Variants in ZNF180 observed in about 807,000 individuals in gnomAD.
ZNF180 encodes the protein zinc finger protein 180 (HHZ168).
Under a neutral mutation model 11.8 loss-of-function variants are expected in ZNF180, and 11 were observed. The observed-to-expected ratio is 0.93, with a 90% CI of 0.59 to 1.55. The LOEUF is 1.55. ZNF180 is among the 40% of genes most tolerant of loss of function. ZNF180 has a pLI of 0.00. For missense variants in ZNF180, 773 were observed against 781.7 expected, an observed-to-expected ratio of 0.99 and a Z score of 0.13; for synonymous variants, 287 against 257.7, an observed-to-expected ratio of 1.11 and a Z score of -1.09.
At chr19:44,484,688 A>G in intron 2 of ZNF180, 1 of 531,372 alleles carries the variant, frequency 1.9e-6, no homozygotes, top group Non-Finnish European at 3.4e-6. Context: ...GGGCCAGCCC[A>G]TTGCAGCTAA....
At chr19:44,483,952 A>G (rs1380145289) in intron 3 of ZNF180, among the ~76,000 whole-genome samples, 1 of 151,646 alleles carries the variant, frequency 6.6e-6, no homozygotes, top group African/African-American at 2.4e-5. Flanking sequence ...ACTTCTTGAA[A>G]AAGTTGTCCA....
At chr19:44,485,527 C>A (rs1814652961) in intron 2 of ZNF180, among the ~76,000 whole-genome samples, 1 of 152,168 alleles carries the variant, frequency 6.6e-6, no homozygotes, top group African/African-American at 2.4e-5. Flanking sequence ...TGTACATAAC[C>A]AACATCCTGA....
rs1208727526 is a variant in ZNF180 at position 44,477,447 on chromosome 19, C to A, written c.953G>T (p.Arg318Ile). 6.2e-7 allele frequency: 1 copy of A among 1,614,126 alleles called. No homozygotes were observed. Among genetic ancestry groups the A allele is most frequent in the Non-Finnish European group, 8.5e-7 (1 of 1,179,990 alleles). Residue 318 changes from arginine to isoleucine, a missense_variant, in exon 5 of 5, where the codon AGA becomes ATA. Coordinates refer to ENST00000592529, the MANE Select transcript of ZNF180 (RefSeq NM_001278509.3). ...SHSSSLTQNM[R>I]NNSEEKPFEC... ...AAAAGGTTTCTCTTCAGAATTATTT[C>A]TCATGTTTTGAGTAAGGGAGGAACT...
At chr19:44,498,770 A>G (rs79967676) in intron 1 of ZNF180, among the ~76,000 whole-genome samples, 14,168 of 151,964 alleles carry the variant, frequency 0.093, 761 homozygotes, top group Middle Eastern at 0.21. Flanking sequence ...TGCCTCCCCA[A>G]TCTGCCCAAA....
chr19:44,480,400 T>G (rs1000936275), intron 3 of ZNF180, among the ~76,000 whole-genome samples: 1 of 152,212 alleles, frequency 6.6e-6, no homozygotes, highest in African/African-American at 2.4e-5. Flanking sequence ...CCACCACACC[T>G]GACCCAATTG....
chr19:44,500,256 G>A lies in ZNF180; in HGVS notation c.-44+19C>T, dbSNP rs370797973. On this transcript the variant is annotated intron_variant, in intron 1 of 4. Transcript: ENST00000592529. ...ATGCGCGCATCGGACACCAAGCGCT[G>A]CCCCACGCCCCTACCAACCTGGGCG... The A allele has an allele frequency of 6.6e-5, 107 of 1,613,480 alleles. No homozygotes were observed. In the African/African-American group the frequency reaches 1.3e-3, roughly 20 times the overall value.
In ZNF180 at chr19:44,493,082, G is replaced by A. The variant is rs139894207; in HGVS notation, c.51+4202C>T. On this transcript the variant is annotated intron_variant, in intron 2 of 4. Transcript: ENST00000592529. ...ACAAGAGGATCCCTTTAGTCCTCAC[G>A]CACAAGAAAATTCCCTCTCCTGCCC... Among the ~76,000 whole-genome samples, 13 of 152,274 alleles carry A rather than the reference G, an allele frequency of 8.5e-5. No individual in the cohort carries two copies. In the East Asian group the frequency reaches 2.5e-3, roughly 29 times the overall value.
In ZNF180 at chr19:44,500,460, T is replaced by G. The variant is rs565081084; in HGVS notation, c.-229A>C. 4 of 584,126 alleles carry G rather than the reference T, an allele frequency of 6.8e-6. No individual in the cohort carries two copies. Among genetic ancestry groups the G allele is most frequent in the Admixed American group, 6.2e-5 (2 of 32,260 alleles). 36.2% of individuals were successfully genotyped at this position (584,126 alleles called of 1,614,324 possible). On this transcript the variant is annotated 5_prime_UTR_variant, in exon 1 of 5. Transcript: ENST00000592529. ...ATCCGCAAGGCCGCTGGGGGTTAAG[T>G]CTGAAGGGCCGAGCTGCTCGGCGAC... is the stretch of plus-strand genomic sequence containing the variant.
At chr19:44,479,178 T>A (rs1174676031) in intron 4 of ZNF180, 105 bp downstream of exon 4, 5 of 1,396,440 alleles carry the variant, frequency 3.6e-6, no homozygotes, top group Non-Finnish European at 4.9e-6. Context: ...ACAATCTAGA[T>A]GCAGCCAAAA....
At chr19:44,492,694 T>A (rs1205806467) in intron 2 of ZNF180, among the ~76,000 whole-genome samples, 1 of 152,192 alleles carries the variant, frequency 6.6e-6, no homozygotes, top group Non-Finnish European at 1.5e-5. Context: ...CCTTTCCCAA[T>A]CTGAGGTATT....
At chr19:44,488,763 CA>C (rs1438438004) in intron 2 of ZNF180, among the ~76,000 whole-genome samples, 1 of 151,618 alleles carries the variant, frequency 6.6e-6, no homozygotes, top group Non-Finnish European at 1.5e-5. Flanking sequence ...CCTGGCTGCC[CA>C]GTCTGGAAAG....
At position 44,497,337 on chromosome 19, in the gene ZNF180, T is replaced by C. The variant is rs1332834408; in HGVS notation, c.-3A>G. ...GGCTTCTCATCCTGCTCTTCCATGC[T>C]CTCCTCCAGGCACAGCAGGGTGCTG... On this transcript the variant is annotated 5_prime_UTR_variant, in exon 2 of 5. Transcript: ENST00000592529. 1.3e-6 allele frequency: 2 copies of C among 1,597,112 alleles called. No homozygotes were observed. Among genetic ancestry groups the C allele is most frequent in the Non-Finnish European group, 1.7e-6 (2 of 1,174,442 alleles).
chr19:44,488,060 C>T, intron 2 of ZNF180, among the ~76,000 whole-genome samples: 1 of 123,386 alleles, frequency 8.1e-6, no homozygotes, highest in African/African-American at 3.0e-5. Context: ...CTCGCCCTCG[C>T]CCTTGCCCTC....
intron 3 of ZNF180, among the ~76,000 whole-genome samples, chr19:44,482,816 G>A (rs1353699008): frequency 6.6e-6 from 1 of 152,068 alleles, no homozygotes; most frequent in Non-Finnish European, 1.5e-5. Context: ...AACACTATTA[G>A]CAGTATTATT....
rs141183071 is a variant in ZNF180, at chr19:44,480,070, T to C, written c.127-661A>G. Among the ~76,000 whole-genome samples, 614 of 152,328 alleles carry C rather than the reference T, an allele frequency of 4.0e-3. 6 individuals carry two copies. The highest frequency in any genetic ancestry group is 0.014 in the African/African-American group (586 of 41,582). On this transcript the variant is annotated intron_variant, in intron 3 of 4. Coordinates refer to ENST00000592529, the MANE Select transcript of ZNF180 (RefSeq NM_001278509.3). Reference sequence around the variant, plus strand: ...TTGGCTTTCTCACCTATAAAGGGCATATATCTGCTTAAGAAATACATCTAA... The same window carrying C: ...TTGGCTTTCTCACCTATAAAGGGCACATATCTGCTTAAGAAATACATCTAA...
At chr19:44,491,939 T>C (rs2686768) in intron 2 of ZNF180, among the ~76,000 whole-genome samples, 51,935 of 152,040 alleles carry the variant, frequency 0.34, 10,339 homozygotes, top group South Asian at 0.52. Context: ...CAGAAATTAA[T>C]GGTAATAAGG....
At chr19:44,481,189 T>C (rs1315743012) in intron 3 of ZNF180, among the ~76,000 whole-genome samples, 1 of 152,204 alleles carries the variant, frequency 6.6e-6, no homozygotes, top group Non-Finnish European at 1.5e-5. Context: ...GGAAGTCGAA[T>C]GCCTCTTGCC....
Position 44,474,668 on chromosome 19 carries a change from T to G in ZNF180, c.*1734A>C, listed in dbSNP as rs1439839821. 1 of 152,202 alleles carries G rather than the reference T, an allele frequency of 6.6e-6. No individual in the cohort carries two copies. The highest frequency in any genetic ancestry group is 6.5e-5 in the Admixed American group (1 of 15,282). The allele number at this position is 152,202 out of a possible 1,614,324, so 9.4% of individuals were successfully genotyped here. On this transcript the variant is annotated 3_prime_UTR_variant, in exon 5 of 5. Transcript: ENST00000592529. ...AAATAGGACAGACAGACTTGGAACT[T>G]TGTTCAACTGTCTTAGGAAAAGACC...
Position 44,476,082 on chromosome 19 carries a change from T to C in ZNF180, c.*320A>G, listed in dbSNP as rs1969858264. ...GGAAAAAGAGGTCTAACACTGGCAGTTGGCTTTGGCATATGATTTTCTCTG... is the reference window on the plus strand; with the variant it reads ...GGAAAAAGAGGTCTAACACTGGCAGCTGGCTTTGGCATATGATTTTCTCTG... On this transcript the variant is annotated 3_prime_UTR_variant, in exon 5 of 5. Transcript: ENST00000592529. 4.5e-6 allele frequency: 1 copy of C among 221,546 alleles called. No individual in the cohort carries two copies. Among genetic ancestry groups the C allele is most frequent in the Non-Finnish European group, 8.8e-6 (1 of 113,238 alleles). 13.7% of individuals were successfully genotyped at this position (221,546 alleles called of 1,614,324 possible).
Sources: gnomAD v4.1 joint callset for allele counts (sites outside exome capture counted in the v4.1 genomes callset) on GRCh38, gnomAD v4.1.1 for gene constraint, MANE v1.5 for transcripts, NCBI Gene and HGNC (gene_info 2026-07-23, HGNC 2026-07-21) for gene names.